Variants in RPL14 observed in about 807,000 individuals in gnomAD.
RPL14 encodes the protein ribosomal protein L14, also known as large ribosomal subunit protein eL14.
Under a neutral mutation model 25.3 loss-of-function variants are expected in RPL14, and 4 were observed. That is an observed-to-expected ratio of 0.16 (90% confidence interval 0.08 to 0.36). The LOEUF is 0.36. Ranked by LOEUF, RPL14 falls within the 10% of genes least tolerant of loss-of-function variation. The pLI, the probability that RPL14 is intolerant of heterozygous loss-of-function variation, is 1.00. For synonymous variants in RPL14, 75 were observed against 89.8 expected, an observed-to-expected ratio of 0.84 and a Z score of 0.93; for missense variants, 212 against 261.9, an observed-to-expected ratio of 0.81 and a Z score of 1.31.
Position 40,464,695 on chromosome 3 carries a change from T to C in RPL14, c.*2463T>C, listed in dbSNP as rs1697002661. 1 of 331,482 alleles carries C rather than the reference T, an allele frequency of 3.0e-6. No homozygotes were observed. Among genetic ancestry groups the C allele is most frequent in the Admixed American group, 3.7e-5 (1 of 27,062 alleles). The allele number at this position is 331,482 out of a possible 1,614,324, so 20.5% of individuals were successfully genotyped here. On this transcript the variant is annotated 3_prime_UTR_variant, in exon 6 of 6. Coordinates refer to ENST00000396203, the MANE Select transcript of RPL14 (RefSeq NM_001034996.3). ...AGACTGGGAATGCTCGGGTTGGCAG[T>C]ATGAAGTTTGGCAGTAATCCAAGGA...
chr3:40,457,898 G>A lies in RPL14; in HGVS notation c.12G>A (p.Arg4=). The A allele has an allele frequency of 6.2e-7, 1 of 1,614,212 alleles. No homozygotes were observed. The highest frequency in any genetic ancestry group is 8.5e-7 in the Non-Finnish European group (1 of 1,180,008). The change falls in exon 2 of 6, where the codon AGG becomes AGA. Residue 4 remains arginine, a synonymous_variant. Coordinates refer to ENST00000396203, the MANE Select transcript of RPL14 (RefSeq NM_001034996.3). Reference sequence around the variant, plus strand: ...TTCTCCTCCAATTTTAGGTGTTCAGGCGCTTCGTGGAGGTTGGCCGGGTGG... The same window carrying A: ...TTCTCCTCCAATTTTAGGTGTTCAGACGCTTCGTGGAGGTTGGCCGGGTGG... The part of the protein sequence containing the change: MVF[R]RFVEVGRVAY...
At chr3:40,457,869 T>C in intron 1 of RPL14, 21 bp from the exon 2 acceptor site, 1 of 1,607,188 alleles carries the variant, frequency 6.2e-7, no homozygotes, top group Non-Finnish European at 8.5e-7. Flanking sequence ...AGTTTCACTG[T>C]CCTTTCTCCT....
chr3:40,462,216 C>G lies in RPL14; in HGVS notation c.632C>G (p.Ser211Cys), dbSNP rs756169354. Reference sequence around the variant, plus strand: ...CAGAAAGCACCTGCTCCAAAGGCATCTGGCAAGAAAGCATAAGTGGCAATC... The same window carrying G: ...CAGAAAGCACCTGCTCCAAAGGCATGTGGCAAGAAAGCATAAGTGGCAATC... ...PAQKAPAPKA[S>C]GKKA The change falls in exon 6 of 6, where the codon TCT becomes TGT. Residue 211 changes from serine (S) to cysteine (C), a missense_variant. Physicochemically the swap from Ser to Cys is moderately radical, Grantham distance 112. Around this residue, in one of 3 missense-constraint regions of RPL14, gnomAD observed 66 missense variants for 62.6 expected, o/e 1.05. Coordinates refer to ENST00000396203, the MANE Select transcript of RPL14 (RefSeq NM_001034996.3). 1.9e-6 allele frequency: 3 copies of G among 1,590,382 alleles called. No homozygotes were observed. The highest frequency in any genetic ancestry group is 1.7e-6 in the Non-Finnish European group (2 of 1,173,432).
intron 2 of RPL14, chr3:40,458,329 G>GTA (rs1696876387): frequency 2.0e-6 from 1 of 512,024 alleles, no homozygotes; most frequent in African/African-American, 1.9e-5. Flanking sequence ...AGCAAACTAA[G>GTA]GAGTTGACCA....
At chr3:40,460,527 G>GA (rs370587678) in intron 3 of RPL14, among the ~76,000 whole-genome samples, 158 of 136,186 alleles carry the variant, frequency 1.2e-3, no homozygotes, top group African/African-American at 2.5e-3. Context: ...CTCAAAAAAA[G>GA]AAAAAAAAAA....
chr3:40,464,409 T>C lies in RPL14; in HGVS notation c.*2177T>C, dbSNP rs1696997649. ...ATGGATGATTTCGGATTACCTGTTCTACTCTGGGAGGTAGAGAATTGTCTA... is the reference window on the plus strand; with the variant it reads ...ATGGATGATTTCGGATTACCTGTTCCACTCTGGGAGGTAGAGAATTGTCTA... On this transcript the variant is annotated 3_prime_UTR_variant, in exon 6 of 6. Coordinates refer to ENST00000396203, the MANE Select transcript of RPL14 (RefSeq NM_001034996.3). The C allele has an allele frequency of 6.6e-6, 3 of 454,092 alleles. No homozygotes were observed. Among genetic ancestry groups the C allele is most frequent in the Non-Finnish European group, 1.3e-5 (3 of 226,338 alleles). 28.1% of individuals were successfully genotyped at this position (454,092 alleles called of 1,614,324 possible). A position where few individuals can be genotyped will look rare whatever the true frequency, so the allele number is the denominator to read the frequency against.
At chr3:40,459,577 C>T (rs193124799) in intron 3 of RPL14, among the ~76,000 whole-genome samples, 266 of 152,100 alleles carry the variant, frequency 1.7e-3, no homozygotes, top group African/African-American at 6.0e-3. Context: ...GTATGTTGGC[C>T]GGGCGCGGTG....
In RPL14 at chr3:40,467,335, T is replaced by G. The variant is rs945554179; in HGVS notation, c.*5103T>G. ...AAGCTGGAGAACCAGGAAAGCTGAT[T>G]GGGATAATTCAAACTGGGTCCAGAG... On this transcript the variant is annotated 3_prime_UTR_variant, in exon 6 of 6. Transcript: ENST00000396203. 2 of 152,126 alleles carry G rather than the reference T, an allele frequency of 1.3e-5. No individual in the cohort carries two copies. Among genetic ancestry groups the G allele is most frequent in the Admixed American group, 1.3e-4 (2 of 15,256 alleles). The allele number at this position is 152,126 out of a possible 1,614,324, so 9.4% of individuals were successfully genotyped here.
Position 40,462,341 on chromosome 3 carries a change from T to TAGGATTATA in RPL14, c.*111_*119dup. On this transcript the variant is annotated 3_prime_UTR_variant, in exon 6 of 6. Transcript: ENST00000396203. ...CTGGAGTTAGGAGGCAGATTGATAG[T>TAGGATTATA]AGGATTATAATAAACATTAAATAAT... is the stretch of plus-strand genomic sequence containing the variant. 1 of 992,386 alleles carries TAGGATTATA rather than the reference T, an allele frequency of 1.0e-6. No individual in the cohort carries two copies. The highest frequency in any genetic ancestry group is 1.5e-6 in the Non-Finnish European group (1 of 688,334). 61.5% of individuals were successfully genotyped at this position (992,386 alleles called of 1,614,324 possible).
rs1296424512 is a variant in RPL14, at chr3:40,462,298, A to AT, written c.*69dup. 6.8e-7 allele frequency: 1 copy of AT among 1,469,676 alleles called. No homozygotes were observed. Among genetic ancestry groups the AT allele is most frequent in the African/African-American group, 1.4e-5 (1 of 69,874 alleles). The allele number at this position is 1,469,676 out of a possible 1,614,324, so 91.0% of individuals were successfully genotyped here. On this transcript the variant is annotated 3_prime_UTR_variant, in exon 6 of 6. Transcript: ENST00000396203. ...TTGACAAATGTATTTAAGCCTTTGG[A>AT]TTTAAAGCCTGTTGAGGCTGGAGTT... is the stretch of plus-strand genomic sequence containing the variant.
Position 40,464,967 on chromosome 3 carries a change from T to G in RPL14, c.*2735T>G, listed in dbSNP as rs1402139366. The stretch of plus-strand genomic sequence containing the variant: ...GCTCTGCCTCTTGAAAGCTATGTAG[T>G]TTAGGCACATAGTCAAAATCCAGTT... On this transcript the variant is annotated 3_prime_UTR_variant, in exon 6 of 6. Transcript: ENST00000396203. The G allele has an allele frequency of 2.4e-5, 4 of 168,046 alleles. No individual in the cohort carries two copies. The highest frequency in any genetic ancestry group is 3.1e-4 in the South Asian group (2 of 6,450). 10.4% of individuals were successfully genotyped at this position (168,046 alleles called of 1,614,324 possible).
rs1697036252 is a variant in RPL14, at chr3:40,466,954, C to G, written c.*4722C>G. ...AAAGTTACCTCATTCTTCTAGCTAG[C>G]TGATTTTTTTTTTTAATCTAGGCTA... is the stretch of plus-strand genomic sequence containing the variant. On this transcript the variant is annotated 3_prime_UTR_variant, in exon 6 of 6. Transcript: ENST00000396203. 1 of 79,034 alleles carries G rather than the reference C, an allele frequency of 1.3e-5. No homozygotes were observed. Among genetic ancestry groups the G allele is most frequent in the Non-Finnish European group, 2.8e-5 (1 of 35,750 alleles). 4.9% of individuals were successfully genotyped at this position (79,034 alleles called of 1,614,324 possible). A position where few individuals can be genotyped will look rare whatever the true frequency, so the allele number is the denominator to read the frequency against.
intron 2 of RPL14, 61 bp from the exon 3 acceptor site, chr3:40,458,581 C>T: frequency 7.8e-7 from 1 of 1,282,010 alleles, no homozygotes; most frequent in Non-Finnish European, 1.1e-6. Flanking sequence ...GTTACAGAAC[C>T]ATCTGACCAT....
chr3:40,458,143 A>G (rs1414499680), intron 2 of RPL14, 152 bp downstream of exon 2: 1 of 663,946 alleles, frequency 1.5e-6, no homozygotes, highest in African/African-American at 1.8e-5. Context: ...ACGGGTTTTA[A>G]GCACAGCCTG....
Position 40,458,638 on chromosome 3 carries a change from C to T in RPL14, c.106-4C>T. On this transcript the variant is annotated splice_region_variant and splice_polypyrimidine_tract_variant and intron_variant, in intron 2 of 5. Transcript: ENST00000396203. ...CACTGAAGTTCTTGATGTTTGTGTT[C>T]TAGGCTTTGGTCGATGGACCTTGCA... 3.1e-6 allele frequency: 5 copies of T among 1,613,414 alleles called. No homozygotes were observed. The highest frequency in any genetic ancestry group is 4.2e-6 in the Non-Finnish European group (5 of 1,179,404).
intron 3 of RPL14, among the ~76,000 whole-genome samples, chr3:40,459,858 CAAAAAAAAA>C (rs10682822): frequency 2.7e-4 from 25 of 90,956 alleles, no homozygotes; most frequent in South Asian, 2.7e-3. Flanking sequence ...GACTCCGTTT[CAAAAAAAAA>C]AAAAAAAAAA....
chr3:40,458,726 T>G lies in RPL14; in HGVS notation c.190T>G (p.Phe64Val). Reference sequence around the variant, plus strand: ...GCAGCTCACTGATTTCATCCTCAAGTTTCCGCACAGGTAACTGTCCACTAA... The same window carrying G: ...GCAGCTCACTGATTTCATCCTCAAGGTTCCGCACAGGTAACTGTCCACTAA... ...CMQLTDFILK[F>V]PHSAHQKYVR... The change falls in exon 3 of 6, where the codon TTT becomes GTT. Residue 64 changes from phenylalanine (F) to valine (V), a missense_variant. Phe to Val is a conservative substitution (Grantham distance 50). This residue lies in a region of RPL14 where 143 missense variants were observed against 180.3 expected (regional missense o/e 0.79). Transcript: ENST00000396203. 3.1e-6 allele frequency: 5 copies of G among 1,613,964 alleles called. No individual in the cohort carries two copies. Among genetic ancestry groups the G allele is most frequent in the Non-Finnish European group, 4.2e-6 (5 of 1,179,832 alleles).
chr3:40,457,625 G>A (rs1212902087), intron 1 of RPL14, 151 bp downstream of exon 1: 10 of 692,456 alleles, frequency 1.4e-5, no homozygotes, highest in Non-Finnish European at 2.4e-5. Flanking sequence ...GGAGCTGGAT[G>A]GCTGATGCGG....
intron 1 of RPL14, 137 bp downstream of exon 1, chr3:40,457,611 C>A (rs1335977777): frequency 1.4e-6 from 1 of 734,292 alleles, no homozygotes; most frequent in Non-Finnish European, 2.2e-6. Context: ...GCGCCTCCGC[C>A]GCTGGAGCTG....
Sources: gnomAD v4.1 joint callset for allele counts (sites outside exome capture counted in the v4.1 genomes callset) on GRCh38, gnomAD v4.1.1 for gene constraint, gnomAD v4.1.1 regional missense constraint, MANE v1.5 for transcripts, NCBI Gene and HGNC (gene_info 2026-07-23, HGNC 2026-07-21) for gene names.